Variants in SFMBT2 observed in about 807,000 individuals in gnomAD.
SFMBT2 encodes the protein Scm like with four mbt domains 2.
A neutral mutation model predicts 110.1 loss-of-function variants in SFMBT2; 38 were observed. The observed-to-expected ratio is 0.35, with a 90% confidence interval of 0.27 to 0.45. The LOEUF is 0.45. SFMBT2 is among the 20% of genes least tolerant of loss of function. SFMBT2 has a pLI of 1.00. For missense variants in SFMBT2, 1,011 were observed against 1,094.9 expected, an observed-to-expected ratio of 0.92 and a Z score of 1.08; for synonymous variants, 425 against 425.4, an observed-to-expected ratio of 1.00 and a Z score of 0.01.
At chr10:7,286,826 C>T (rs991305877) in intron 4 of SFMBT2, among the ~76,000 whole-genome samples, 2 of 152,108 alleles carry the variant, frequency 1.3e-5, no homozygotes, top group Admixed American at 6.6e-5. Flanking sequence ...ACACTCCAAG[C>T]GCACAGCACT....
intron 1 of SFMBT2, among the ~76,000 whole-genome samples, chr10:7,392,687 C>G (rs556691061): frequency 6.6e-6 from 1 of 151,956 alleles, no homozygotes; most frequent in African/African-American, 2.4e-5. Context: ...TCTACCTTTT[C>G]GTGGTTTCTT....
chr10:7,219,462 T>C (rs1350041204), intron 11 of SFMBT2, among the ~76,000 whole-genome samples: 1 of 152,204 alleles, frequency 6.6e-6, no homozygotes, highest in Non-Finnish European at 1.5e-5. Context: ...ACTACATATG[T>C]ATGAGATTGT....
chr10:7,206,020 G>A (rs1162485249), intron 11 of SFMBT2, 92 bp from the exon 12 acceptor site: 4 of 1,505,368 alleles, frequency 2.7e-6, no homozygotes, highest in African/African-American at 2.8e-5. Flanking sequence ...CCTAACATGG[G>A]GAAAAACATT....
intron 16 of SFMBT2, among the ~76,000 whole-genome samples, chr10:7,188,240 T>C (rs1476527578): frequency 2.6e-5 from 4 of 152,196 alleles, no homozygotes; most frequent in African/African-American, 9.7e-5. Flanking sequence ...GCATTTAGCA[T>C]AGTCTATATA....
At chr10:7,214,553 G>A (rs1373725663) in intron 11 of SFMBT2, 5 of 985,240 alleles carry the variant, frequency 5.1e-6, no homozygotes, top group Non-Finnish European at 2.4e-6. Flanking sequence ...TACCTATGAG[G>A]AAATTCTACG....
At chr10:7,176,452 G>A in intron 16 of SFMBT2, 3 of 983,152 alleles carry the variant, frequency 3.1e-6, no homozygotes, top group Non-Finnish European at 3.6e-6. Flanking sequence ...CCAAAGATGA[G>A]CGGTGCGGGA....
rs1370196814 is a variant in SFMBT2, at chr10:7,172,774, C to A, written c.1985-113G>T. 2.3e-6 allele frequency: 3 copies of A among 1,294,848 alleles called. No individual in the cohort carries two copies. Among genetic ancestry groups the A allele is most frequent in the South Asian group, 1.5e-5 (1 of 65,694 alleles). 80.2% of individuals were successfully genotyped at this position (1,294,848 alleles called of 1,614,324 possible). Reference sequence around the variant, plus strand: ...TCTTTCATCTGATAGTTCATTTGTGCCTTACGAAGTCATTCTGAGAAAACA... The same window carrying A: ...TCTTTCATCTGATAGTTCATTTGTGACTTACGAAGTCATTCTGAGAAAACA... On this transcript the variant is annotated intron_variant, in intron 17 of 20. Coordinates refer to ENST00000397167, the MANE Select transcript of SFMBT2 (RefSeq NM_001387889.1). The surrounding 1 kb of genome is among the most constrained non-coding windows in gnomAD (Gnocchi z 4.6).
In SFMBT2 at chr10:7,285,780, G is replaced by A. The variant is rs547541658; in HGVS notation, c.525+86C>T. 580 of 772,332 alleles carry A rather than the reference G, an allele frequency of 7.5e-4. 8 individuals carry two copies. In the South Asian group the frequency reaches 7.6e-3, roughly 10 times the overall value. The allele number at this position is 772,332 out of a possible 1,614,324, so 47.8% of individuals were successfully genotyped here. ...CTGCAGAAAGCACGCATCTGCTGAAGGATATATGCAAAGGTGCTGTCAGGT... is the reference window on the plus strand; with the variant it reads ...CTGCAGAAAGCACGCATCTGCTGAAAGATATATGCAAAGGTGCTGTCAGGT... On this transcript the variant is annotated intron_variant, in intron 5 of 20. Coordinates refer to ENST00000397167, the MANE Select transcript of SFMBT2 (RefSeq NM_001387889.1).
chr10:7,385,731 G>A (rs1411382152), intron 1 of SFMBT2, among the ~76,000 whole-genome samples: 1 of 152,136 alleles, frequency 6.6e-6, no homozygotes, highest in East Asian at 1.9e-4. Flanking sequence ...CAGGCACAGT[G>A]GCTCACGCCT....
At chr10:7,272,062 G>T (rs1376590516) in intron 7 of SFMBT2, among the ~76,000 whole-genome samples, 1 of 152,146 alleles carries the variant, frequency 6.6e-6, no homozygotes, top group Non-Finnish European at 1.5e-5. Flanking sequence ...CAGCAAGGAG[G>T]GGCACGGAAG....
intron 1 of SFMBT2, among the ~76,000 whole-genome samples, chr10:7,403,222 A>T (rs74121447): frequency 6.6e-6 from 1 of 152,158 alleles, no homozygotes; most frequent in African/African-American, 2.4e-5. Flanking sequence ...TTTCAAAATT[A>T]ACTACTAAAC....
chr10:7,204,338 TGA>T (rs1383849740), intron 12 of SFMBT2: 5 of 985,098 alleles, frequency 5.1e-6, no homozygotes, highest in African/African-American at 1.7e-5. Context: ...AGCAACGTTG[TGA>T]GAGTCTACAG....
In SFMBT2 at chr10:7,367,175, T is replaced by C. The variant is rs1393570391; in HGVS notation, c.436+474A>G. 6.6e-6 allele frequency among the ~76,000 whole-genome samples: 1 copy of C among 152,134 alleles called. No homozygotes were observed. Among genetic ancestry groups the C allele is most frequent in the African/African-American group, 2.4e-5 (1 of 41,436 alleles). Reference sequence around the variant, plus strand: ...CCCAACAAGACAGATGAAAAGTTATTAGAGAAGCCTGCTTAAGACACTCTG... The same window carrying C: ...CCCAACAAGACAGATGAAAAGTTATCAGAGAAGCCTGCTTAAGACACTCTG... On this transcript the variant is annotated intron_variant, in intron 4 of 20. Transcript: ENST00000397167. This position sits in a 1 kb window ranked among gnomAD's most constrained non-coding sequence, Gnocchi z 6.2.
intron 4 of SFMBT2, among the ~76,000 whole-genome samples, chr10:7,315,038 GAGAAAGAAAGAAAGAA>G (rs545155500): frequency 0.022 from 1,844 of 82,226 alleles, 26 homozygotes; most frequent in East Asian, 0.047. Flanking sequence ...AAGAAAGAAA[GAGAAAGAAAGAAAGAA>G]AGAAAGAAAG....
At chr10:7,217,483 G>A (rs546979004) in intron 11 of SFMBT2, among the ~76,000 whole-genome samples, 2 of 152,196 alleles carry the variant, frequency 1.3e-5, no homozygotes, top group South Asian at 4.2e-4. Context: ...TGTAAGTGGC[G>A]CGCATGTATA....
rs375234399 is a variant in SFMBT2 at position 7,356,412 on chromosome 10, T to TG, written c.436+11236_436+11237insC. On this transcript the variant is annotated intron_variant, in intron 4 of 20. Coordinates refer to ENST00000397167, the MANE Select transcript of SFMBT2 (RefSeq NM_001387889.1). ...TACTGCGTTTTGTTGTTGTTGTTGTTTTGTTTTGTTTTGTTTTGTTTGAGA... is the reference window on the plus strand; with the variant it reads ...TACTGCGTTTTGTTGTTGTTGTTGTTGTTGTTTTGTTTTGTTTTGTTTGAGA... Among the ~76,000 whole-genome samples, 1,042 of 151,944 alleles carry TG rather than the reference T, an allele frequency of 6.9e-3. 8 individuals carry two copies. Among genetic ancestry groups the TG allele is most frequent in the Middle Eastern group, 0.044 (13 of 294 alleles).
chr10:7,235,684 A>T (rs1840231216), intron 9 of SFMBT2, among the ~76,000 whole-genome samples: 1 of 152,182 alleles, frequency 6.6e-6, no homozygotes, highest in African/African-American at 2.4e-5. Flanking sequence ...GAAGCTAACA[A>T]ATCCTCAATC....
intron 1 of SFMBT2, among the ~76,000 whole-genome samples, chr10:7,409,628 C>T (rs1490924055): frequency 2.6e-5 from 4 of 151,916 alleles, no homozygotes; most frequent in Admixed American, 2.6e-4. Context: ...ACTTGACACA[C>T]AGACTCTAAC....
intron 16 of SFMBT2, among the ~76,000 whole-genome samples, chr10:7,187,262 A>G (rs1838445813): frequency 6.6e-6 from 1 of 152,222 alleles, no homozygotes; most frequent in African/African-American, 2.4e-5. Context: ...TTTTAAAATA[A>G]GAAGGATTTC....
Sources: allele counts gnomAD v4.1 joint callset (sites outside exome capture counted in the v4.1 genomes callset), GRCh38; gene constraint gnomAD v4.1.1; non-coding constraint Gnocchi (gnomAD v3.1); transcripts MANE v1.5; gene names NCBI Gene and HGNC (gene_info 2026-07-23, HGNC 2026-07-21).